The following ZNF892 variants were observed in gnomAD, a reference collection of about 807,000 sequenced individuals.
ZNF892 encodes zinc finger protein 570-like.
the ZNF892 span, among the ~76,000 whole-genome samples, chr2:95,230,437 A>T: frequency 6.6e-6 from 1 of 152,138 alleles, no homozygotes; most frequent in South Asian, 2.1e-4. Context: ...TCAAGTATTT[A>T]TTGGATATTG....
the ZNF892 span, among the ~76,000 whole-genome samples, chr2:95,232,617 T>C: frequency 6.6e-6 from 1 of 152,206 alleles, no homozygotes; most frequent in African/African-American, 2.4e-5. Context: ...CTTGGTGACA[T>C]TGGAGCTTCC....
the ZNF892 span, among the ~76,000 whole-genome samples, chr2:95,218,318 G>A: frequency 6.6e-6 from 1 of 152,264 alleles, no homozygotes; most frequent in South Asian, 2.1e-4. Flanking sequence ...AAGCACTAAG[G>A]GGACCCAAGC....
the ZNF892 span, chr2:95,207,655 A>G: frequency 7.6e-6 from 3 of 394,868 alleles, no homozygotes; most frequent in African/African-American, 2.1e-5. Flanking sequence ...ATCCCCTTTT[A>G]ATCTGAGTGT....
chr2:95,217,828 T>G, the ZNF892 span, among the ~76,000 whole-genome samples: 123 of 152,310 alleles, frequency 8.1e-4, no homozygotes, highest in Admixed American at 1.8e-3. Flanking sequence ...TGCAGGACAA[T>G]TCTGCCCCTA....
the ZNF892 span, chr2:95,214,898 C>CGG: frequency 6.0e-6 from 3 of 502,598 alleles, no homozygotes; most frequent in Non-Finnish European, 1.1e-5. Flanking sequence ...CCTTCAGTCA[C>CGG]CGCTCAGCCC....
chr2:95,261,918 T>C, the ZNF892 span, among the ~76,000 whole-genome samples: 2 of 152,174 alleles, frequency 1.3e-5, no homozygotes, highest in Non-Finnish European at 2.9e-5. Context: ...GGGGCTCCCC[T>C]TCTCCTTCAG....
the ZNF892 span, among the ~76,000 whole-genome samples, chr2:95,220,036 C>T: frequency 6.6e-6 from 1 of 152,122 alleles, no homozygotes; most frequent in Non-Finnish European, 1.5e-5. Context: ...TGAAACCACA[C>T]CAGTAAGGAA....
the ZNF892 span, among the ~76,000 whole-genome samples, chr2:95,235,641 G>T: frequency 2.0e-5 from 3 of 152,164 alleles, no homozygotes; most frequent in African/African-American, 7.2e-5. Context: ...GATTACAGGC[G>T]TGAGCCACCA....
At chr2:95,231,996 A>G in the ZNF892 span, 2 of 152,178 alleles carry the variant, frequency 1.3e-5, no homozygotes, top group Non-Finnish European at 2.9e-5. Context: ...TTTTCCAAAA[A>G]TTATATCTGG....
At chr2:95,212,385 TC>T in the ZNF892 span, 12 of 397,268 alleles carry the variant, frequency 3.0e-5, no homozygotes, top group South Asian at 1.6e-3. Flanking sequence ...AAAGTTGAAG[TC>T]CCTGTCTCAC....
the ZNF892 span, among the ~76,000 whole-genome samples, chr2:95,252,547 C>A: frequency 1.3e-5 from 2 of 152,094 alleles, no homozygotes; most frequent in Non-Finnish European, 2.9e-5. Flanking sequence ...AATAAACATA[C>A]GTGTGCATGT....
the ZNF892 span, among the ~76,000 whole-genome samples, chr2:95,227,336 T>C: frequency 6.6e-6 from 1 of 152,094 alleles, no homozygotes; most frequent in Non-Finnish European, 1.5e-5. Flanking sequence ...TTTTATTTTA[T>C]TTTTTGAGGC....
chr2:95,257,483 G>T, the ZNF892 span, among the ~76,000 whole-genome samples: 1 of 152,136 alleles, frequency 6.6e-6, no homozygotes, highest in African/African-American at 2.4e-5. Context: ...TGCCCCTACT[G>T]GGGGGTGACT....
chr2:95,223,884 GT>G, the ZNF892 span, among the ~76,000 whole-genome samples: 1 of 152,264 alleles, frequency 6.6e-6, no homozygotes, highest in East Asian at 1.9e-4. Flanking sequence ...AAATTCATAA[GT>G]TGCAATCCTA....
the ZNF892 span, among the ~76,000 whole-genome samples, chr2:95,213,624 A>C: frequency 6.6e-6 from 1 of 151,004 alleles, no homozygotes; most frequent in Non-Finnish European, 1.5e-5. Flanking sequence ...GTTCTGTTTT[A>C]CTCTTTCCAG....
At chr2:95,214,340 G>T in the ZNF892 span, 1 of 398,366 alleles carries the variant, frequency 2.5e-6, no homozygotes, top group African/African-American at 2.1e-5. Context: ...TTTCAGACTG[G>T]GAAACAATAC....
chr2:95,237,932 T>C, the ZNF892 span, among the ~76,000 whole-genome samples: 7 of 152,254 alleles, frequency 4.6e-5, no homozygotes, highest in South Asian at 1.2e-3. Flanking sequence ...AAGGAAGCTG[T>C]AGAAGAAAAG....
the ZNF892 span, among the ~76,000 whole-genome samples, chr2:95,210,426 C>T: frequency 5.4e-4 from 82 of 152,136 alleles, 1 homozygote; most frequent in Admixed American, 4.3e-3. Flanking sequence ...AGACATTTGT[C>T]TTATCAGCAC....
the ZNF892 span, among the ~76,000 whole-genome samples, chr2:95,241,690 C>T: frequency 6.6e-6 from 1 of 152,216 alleles, no homozygotes; most frequent in Non-Finnish European, 1.5e-5. Flanking sequence ...TGGGTAATAA[C>T]AAACTTTGCT....
Sources: gnomAD v4.1 joint callset for allele counts (sites outside exome capture counted in the v4.1 genomes callset) on GRCh38, gnomAD v4.1.1 for gene constraint, MANE v1.5 for transcripts, NCBI Gene and HGNC (gene_info 2026-07-23, HGNC 2026-07-21) for gene names.